The following SIPA1L2 variants were observed in gnomAD, a reference collection of about 807,000 sequenced individuals.
SIPA1L2 encodes the protein signal induced proliferation associated 1 like 2, also known as signal-induced proliferation-associated 1-like protein 2.
SIPA1L2 carries 56 observed loss-of-function variants against 163.9 expected under a neutral mutation model. The observed-to-expected ratio is 0.34, with a 90% CI of 0.28 to 0.43. The LOEUF (loss-of-function observed/expected upper bound fraction) is 0.43. SIPA1L2 is among the 20% of genes least tolerant of loss of function. The pLI is 1.00. For missense variants in SIPA1L2, 1,974 were observed against 2,193.5 expected, an observed-to-expected ratio of 0.90 and a Z score of 2.00; for synonymous variants, 877 against 865.7, an observed-to-expected ratio of 1.01 and a Z score of -0.23.
At position 232,608,047 on chromosome 1, in the gene SIPA1L2, C is replaced by CAAAAAAA. The variant is rs56208215; in HGVS notation, c.-319+21815_-319+21821dup. Among the ~76,000 whole-genome samples the CAAAAAAA allele has an allele frequency of 3.0e-4, 20 of 67,500 alleles. 1 individual carries two copies. The highest frequency in any genetic ancestry group is 4.1e-4 in the East Asian group (1 of 2,410). The allele number at this position is 67,500 out of a possible 152,430, so 44.3% of individuals were successfully genotyped here. ...GGGCAACAAGAGCGAAACTCCATCT[C>CAAAAAAA]AAAAAAAAAAAAAAAAAAAAAACGA... On this transcript the variant is annotated intron_variant, in intron 1 of 22. Coordinates refer to ENST00000674635, the MANE Select transcript of SIPA1L2 (RefSeq NM_020808.5).
chr1:232,586,656 T>A (rs1660670256), intron 1 of SIPA1L2, among the ~76,000 whole-genome samples: 1 of 152,230 alleles, frequency 6.6e-6, no homozygotes, highest in African/African-American at 2.4e-5. Flanking sequence ...AACAAGATAT[T>A]CTTCTAGGCA....
intron 5 of SIPA1L2, among the ~76,000 whole-genome samples, chr1:232,486,136 C>T (rs1261415974): frequency 6.6e-6 from 1 of 152,190 alleles, no homozygotes; most frequent in African/African-American, 2.4e-5. Context: ...CTCCTCCCAT[C>T]CAGCTCTTAA....
chr1:232,511,599 TCA>T (rs1274214822), intron 3 of SIPA1L2, among the ~76,000 whole-genome samples: 1 of 152,162 alleles, frequency 6.6e-6, no homozygotes, highest in African/African-American at 2.4e-5. Context: ...TAAACAGGCT[TCA>T]CAGTGGTTTA....
chr1:232,473,900 A>C (rs2102952405), intron 7 of SIPA1L2, among the ~76,000 whole-genome samples: 1 of 152,362 alleles, frequency 6.6e-6, no homozygotes, highest in Middle Eastern at 3.4e-3. Context: ...TTTGCTTCAG[A>C]GACTAAAGAA....
Position 232,425,616 on chromosome 1 carries a change from G to T in SIPA1L2, c.4603C>A (p.Pro1535Thr), listed in dbSNP as rs1322627306. ...CTCAGGCTCCCCATGCTGGGTGCGGGGTGGGCCCGCGGAGGCAGCGTGCTG... is the reference window on the plus strand; with the variant it reads ...CTCAGGCTCCCCATGCTGGGTGCGGTGTGGGCCCGCGGAGGCAGCGTGCTG... ...YHSTLPPRAH[P>T]APSMGSLRNE... is the part of the protein sequence containing the mutation. Residue 1535 changes from proline to threonine, a missense_variant, in exon 18 of 23, where the codon CCC becomes ACC. By Grantham distance (38) the Pro-to-Thr change is conservative. Transcript: ENST00000674635. 2 of 1,606,196 alleles carry T rather than the reference G, an allele frequency of 1.2e-6. No homozygotes were observed. Among genetic ancestry groups the T allele is most frequent in the South Asian group, 2.2e-5 (2 of 89,884 alleles).
chr1:232,475,104 G>A (rs953261500), intron 7 of SIPA1L2, among the ~76,000 whole-genome samples: 2 of 152,122 alleles, frequency 1.3e-5, no homozygotes, highest in South Asian at 2.1e-4. Flanking sequence ...TTCTCTAAAC[G>A]CACACAAGTT....
chr1:232,506,500 T>C (rs1280820042), intron 3 of SIPA1L2, among the ~76,000 whole-genome samples: 2 of 152,176 alleles, frequency 1.3e-5, no homozygotes, highest in African/African-American at 4.8e-5. Context: ...ATAATTAAAA[T>C]GGATGGACAC....
At chr1:232,442,005 G>A (rs1662929360) in intron 12 of SIPA1L2, 137 bp from the exon 13 acceptor site, 1 of 666,156 alleles carries the variant, frequency 1.5e-6, no homozygotes, top group Non-Finnish European at 2.5e-6. Context: ...AAATGAAAAT[G>A]CAAATTGTCA....
chr1:232,408,370 T>C (rs867993385), intron 19 of SIPA1L2, among the ~76,000 whole-genome samples: 1 of 152,148 alleles, frequency 6.6e-6, no homozygotes, highest in Admixed American at 6.5e-5. Context: ...TATTTTTCTA[T>C]TGGAAGCTTT....
At chr1:232,466,042 C>CATT (rs1267306606) in intron 8 of SIPA1L2, among the ~76,000 whole-genome samples, 2 of 152,084 alleles carry the variant, frequency 1.3e-5, no homozygotes, top group African/African-American at 4.8e-5. Context: ...TAGCCTGTGG[C>CATT]ATTAGTACGG....
At chr1:232,481,423 G>C (rs1029826095) in intron 6 of SIPA1L2, among the ~76,000 whole-genome samples, 2 of 152,184 alleles carry the variant, frequency 1.3e-5, no homozygotes, top group Middle Eastern at 3.4e-3. Context: ...ACTGATATTA[G>C]GTTTCAGATT....
rs954675490 is a variant in SIPA1L2 at position 232,404,121 on chromosome 1, T to G, written c.4816+4A>C. ...GGAGCCAACGAGCAGCCCCAGACAA[T>G]CACCTAGATAGGACGTGTGGTGACA... On this transcript the variant is annotated splice_donor_region_variant and intron_variant, in intron 20 of 22. Transcript: ENST00000674635. The G allele has an allele frequency of 6.2e-7, 1 of 1,613,898 alleles. No homozygotes were observed. The highest frequency in any genetic ancestry group is 8.5e-7 in the Non-Finnish European group (1 of 1,179,964).
At chr1:232,508,195 C>T (rs1666816378) in intron 3 of SIPA1L2, among the ~76,000 whole-genome samples, 1 of 152,160 alleles carries the variant, frequency 6.6e-6, no homozygotes, top group Non-Finnish European at 1.5e-5. Context: ...AATGATTTAG[C>T]CACTTTTCAC....
intron 18 of SIPA1L2, among the ~76,000 whole-genome samples, chr1:232,418,655 A>G (rs1293735159): frequency 3.3e-5 from 5 of 152,216 alleles, no homozygotes; most frequent in Admixed American, 3.3e-4. Context: ...ATATTTCACA[A>G]CCAAAGGCAA....
intron 8 of SIPA1L2, among the ~76,000 whole-genome samples, chr1:232,469,214 A>T (rs1664680149): frequency 6.6e-6 from 1 of 152,190 alleles, no homozygotes; most frequent in Non-Finnish European, 1.5e-5. Flanking sequence ...CACCCGAAAA[A>T]AGCTCAGGAG....
At chr1:232,485,563 C>T (rs1665605527) in intron 5 of SIPA1L2, among the ~76,000 whole-genome samples, 1 of 152,142 alleles carries the variant, frequency 6.6e-6, no homozygotes, top group Admixed American at 6.5e-5. Context: ...AATGCCTAAC[C>T]TCATTTTATT....
intron 16 of SIPA1L2, among the ~76,000 whole-genome samples, chr1:232,430,422 C>A (rs1662161495): frequency 6.6e-6 from 1 of 152,210 alleles, no homozygotes; most frequent in African/African-American, 2.4e-5. Flanking sequence ...AGGGCTTCCA[C>A]AATATGATTT....
At chr1:232,469,392 T>C (rs1301279741) in intron 8 of SIPA1L2, among the ~76,000 whole-genome samples, 1 of 152,208 alleles carries the variant, frequency 6.6e-6, no homozygotes, top group African/African-American at 2.4e-5. Context: ...AAGGTGTTTT[T>C]AGAAAATGTG....
intron 1 of SIPA1L2, among the ~76,000 whole-genome samples, chr1:232,617,509 T>C (rs1270794626): frequency 6.6e-6 from 1 of 152,226 alleles, no homozygotes; most frequent in Non-Finnish European, 1.5e-5. Flanking sequence ...AGTGTGGTCA[T>C]ATAAAGTATA....
Sources: gnomAD v4.1 joint callset for allele counts (sites outside exome capture counted in the v4.1 genomes callset) on GRCh38, gnomAD v4.1.1 for gene constraint, MANE v1.5 for transcripts, NCBI Gene and HGNC (gene_info 2026-07-23, HGNC 2026-07-21) for gene names.